Variants in ECM2 observed in about 807,000 individuals in gnomAD.
ECM2 encodes extracellular matrix protein 2, female organ and adipocyte specific.
A neutral mutation model predicts 67.5 loss-of-function variants in ECM2; 57 were observed. The ratio of observed to expected loss-of-function variants is 0.84; its 90% CI spans 0.68 to 1.05. ECM2 has a LOEUF of 1.05. Ranked by LOEUF, ECM2 falls within the 50% of genes least tolerant of loss-of-function variation. ECM2 has a pLI of 0.00. For synonymous variants in ECM2, 258 were observed against 294.5 expected (o/e 0.88, Z 1.27); for missense variants, 741 against 822.8 (o/e 0.90, Z 1.22).
At chr9:92,557,440 T>C in the ECM2 span, among the ~76,000 whole-genome samples, 13 of 152,338 alleles carry the variant, frequency 8.5e-5, no homozygotes, top group African/African-American at 3.1e-4. Context: ...AATTCTCTTC[T>C]TCCTCAGGAA....
At chr9:92,502,476 A>G (rs1348207629) in intron 8 of ECM2, 37 bp downstream of exon 8, 1 of 1,603,716 alleles carries the variant, frequency 6.2e-7, no homozygotes, top group African/African-American at 1.3e-5. Flanking sequence ...AGAGGAAGAA[A>G]TAGTTCAATA....
chr9:92,520,383 A>T (rs1438560810), intron 2 of ECM2, among the ~76,000 whole-genome samples: 1 of 152,218 alleles, frequency 6.6e-6, no homozygotes, highest in Non-Finnish European at 1.5e-5. Context: ...TAACATCATT[A>T]GTTGTTAGGG....
chr9:92,550,125 T>C, the ECM2 span, among the ~76,000 whole-genome samples: 65,298 of 152,052 alleles, frequency 0.43, 16,622 homozygotes, highest in African/African-American at 0.71. Context: ...GGGCCGGGCG[T>C]GGTGGCTCAC....
Position 92,517,666 on chromosome 9 carries a change from T to C in ECM2, c.481+21A>G, listed in dbSNP as rs776424662. The C allele has an allele frequency of 4.3e-6, 7 of 1,613,600 alleles. No homozygotes were observed. In the South Asian group the frequency reaches 6.6e-5, roughly 15 times the overall value. Reference sequence around the variant, plus strand: ...AAAGATTAATCACACACTGATATTTTGCTTAGCTAAATCTCTGTACCAGTA... The same window carrying C: ...AAAGATTAATCACACACTGATATTTCGCTTAGCTAAATCTCTGTACCAGTA... On this transcript the variant is annotated intron_variant, in intron 3 of 9. Transcript: ENST00000344604.
At chr9:92,544,542 GGTT>G in the ECM2 span, among the ~76,000 whole-genome samples, 3 of 139,220 alleles carry the variant, frequency 2.2e-5, no homozygotes, top group African/African-American at 7.7e-5. Context: ...TTTGTTGAGG[GGTT>G]TTTTTTTTTA....
At chr9:92,498,604 TAAAC>T (rs1363644699) in intron 9 of ECM2, among the ~76,000 whole-genome samples, 1 of 152,062 alleles carries the variant, frequency 6.6e-6, no homozygotes, top group Non-Finnish European at 1.5e-5. Context: ...AAACCAAAAA[TAAAC>T]TAAATAACAT....
the ECM2 span, among the ~76,000 whole-genome samples, chr9:92,546,457 G>A: frequency 1.3e-5 from 2 of 151,988 alleles, no homozygotes; most frequent in African/African-American, 2.4e-5. Context: ...CTGCAGCTTC[G>A]CTCCTGAAGC....
At position 92,517,684 on chromosome 9, in the gene ECM2, T is replaced by C; in HGVS notation, c.481+3A>G. The C allele has an allele frequency of 6.2e-7, 1 of 1,614,186 alleles. No homozygotes were observed. The highest frequency in any genetic ancestry group is 8.5e-7 in the Non-Finnish European group (1 of 1,180,020). ...GATATTTTGCTTAGCTAAATCTCTGTACCAGTAGCGGAGCAGACCGGGCAG... is the reference window on the plus strand; with the variant it reads ...GATATTTTGCTTAGCTAAATCTCTGCACCAGTAGCGGAGCAGACCGGGCAG... On this transcript the variant is annotated splice_donor_region_variant and intron_variant, in intron 3 of 9. Transcript: ENST00000344604.
At chr9:92,507,756 A>G (rs1485585269) in intron 6 of ECM2, among the ~76,000 whole-genome samples, 2 of 152,176 alleles carry the variant, frequency 1.3e-5, no homozygotes, top group Non-Finnish European at 2.9e-5. Context: ...GGTTTTCCTC[A>G]GCTGTCCCTC....
intron 1 of ECM2, 130 bp downstream of exon 1, chr9:92,535,803 C>A (rs78308189): frequency 1.9e-4 from 57 of 306,676 alleles, no homozygotes; most frequent in African/African-American, 1.3e-3. Flanking sequence ...ATAATGCATA[C>A]TTTGAACTTT....
chr9:92,512,665 A>G (rs993546848), intron 4 of ECM2, among the ~76,000 whole-genome samples: 2 of 152,182 alleles, frequency 1.3e-5, no homozygotes, highest in Admixed American at 1.3e-4. Flanking sequence ...TTCAATCTAC[A>G]AAGGTTCCTG....
At chr9:92,538,745 C>T (rs775845822), upstream of ECM2, among the ~76,000 whole-genome samples, 9 of 152,124 alleles carry the variant, frequency 5.9e-5, no homozygotes, top group Admixed American at 1.3e-4. Flanking sequence ...ATGATTATGT[C>T]CCAAAACTTG....
intron 9 of ECM2, among the ~76,000 whole-genome samples, chr9:92,496,997 G>T (rs555270165): frequency 6.6e-6 from 1 of 150,870 alleles, no homozygotes; most frequent in East Asian, 1.9e-4. Context: ...AGCCTGGACC[G>T]ATCAAATACC....
rs764782321 is a variant in ECM2 at position 92,514,725 on chromosome 9, G to A, written c.960C>T (p.Cys320=). The A allele has an allele frequency of 1.2e-6, 2 of 1,607,874 alleles. No homozygotes were observed. Among genetic ancestry groups the A allele is most frequent in the Admixed American group, 3.3e-5 (2 of 59,764 alleles). ...AGCTGATGGTCCTGTAGGACAGAGA[G>A]CACCCGCTTGGCAGGCGCAGTGTGC... ...PRGTLRLPSG[C]SLSYRTISCI... is the part of the protein sequence containing the mutation. The change falls in exon 4 of 10, where the codon TGC becomes TGT. Residue 320 remains cysteine (C), a synonymous_variant. Transcript: ENST00000344604.
At chr9:92,510,240 C>A (rs1031342200) in intron 5 of ECM2, among the ~76,000 whole-genome samples, 1 of 152,318 alleles carries the variant, frequency 6.6e-6, no homozygotes, top group East Asian at 1.9e-4. Context: ...GGATTTTCAG[C>A]AGACTACATT....
chr9:92,528,372 G>C (rs2094281), intron 1 of ECM2, among the ~76,000 whole-genome samples: 57,559 of 151,568 alleles, frequency 0.38, 13,597 homozygotes, highest in African/African-American at 0.67. Flanking sequence ...GGAAATCTGA[G>C]GACACCAAAG....
Position 92,497,003 on chromosome 9 carries a change from A to G in ECM2, c.1932-520T>C, listed in dbSNP as rs138438675. On this transcript the variant is annotated intron_variant, in intron 9 of 9. Coordinates refer to ENST00000344604, the MANE Select transcript of ECM2 (RefSeq NM_001393.4). ...CTAATAGTGAGCCTGGACCGATCAAATACCACTGAAGAGAATGCAAAATGG... is the reference window on the plus strand; with the variant it reads ...CTAATAGTGAGCCTGGACCGATCAAGTACCACTGAAGAGAATGCAAAATGG... Among the ~76,000 whole-genome samples the G allele has an allele frequency of 2.1e-3, 320 of 152,236 alleles. 2 individuals are homozygous for G. The highest frequency in any genetic ancestry group is 7.2e-3 in the African/African-American group (301 of 41,550).
At chr9:92,511,280 C>T (rs1847321414) in intron 5 of ECM2, among the ~76,000 whole-genome samples, 1 of 152,068 alleles carries the variant, frequency 6.6e-6, no homozygotes. Context: ...TGCATGCCAC[C>T]ACGCTCGGCT....
Position 92,500,927 on chromosome 9 carries a change from GCC to G in ECM2, c.1729_1730del (p.Gly577ProfsTer14), listed in dbSNP as rs775427154. 6.2e-7 allele frequency: 1 copy of G among 1,614,040 alleles called. No homozygotes were observed. The highest frequency in any genetic ancestry group is 1.3e-5 in the African/African-American group (1 of 74,918). ...QIERIPGYVF[G>X]HMEPGLEYLY... Reference sequence around the variant, plus strand: ...AGTATTCCAGGCCTGGTTCCATGTGGCCAAACACATAGCCAGGGATCCGTTCA... The same window carrying G: ...AGTATTCCAGGCCTGGTTCCATGTGGAAACACATAGCCAGGGATCCGTTCA... On this transcript the variant is annotated frameshift_variant, in exon 9 of 10. Coordinates refer to ENST00000344604, the MANE Select transcript of ECM2 (RefSeq NM_001393.4). LOFTEE classifies it high-confidence loss of function.
Sources: gnomAD v4.1 joint callset for allele counts (sites outside exome capture counted in the v4.1 genomes callset) on GRCh38, gnomAD v4.1.1 for gene constraint, MANE v1.5 for transcripts, NCBI Gene and HGNC (gene_info 2026-07-23, HGNC 2026-07-21) for gene names.